The following SPATA13 variants were observed in gnomAD, a reference collection of about 807,000 sequenced individuals.
SPATA13 encodes spermatogenesis-associated protein 13.
SPATA13 carries 50 observed loss-of-function variants against 104.0 expected under a neutral mutation model. The observed-to-expected ratio is 0.48, with a 90% CI of 0.38 to 0.61. SPATA13 has a LOEUF of 0.61. SPATA13 is among the 20% of genes least tolerant of loss of function. The pLI, the probability that SPATA13 is intolerant of heterozygous loss-of-function variation, is 0.00. For synonymous variants in SPATA13, 606 were observed against 667.5 expected (o/e 0.91, Z 1.42); for missense variants, 1,524 against 1,690.6 (o/e 0.90, Z 1.73).
At chr13:24,037,364 TA>T (rs916144606) in intron 3 of SPATA13, among the ~76,000 whole-genome samples, 16 of 148,094 alleles carry the variant, frequency 1.1e-4, no homozygotes, top group South Asian at 4.4e-4. Context: ...TTAAAAAAAT[TA>T]AAAAAAAAAG....
chr13:24,295,826 CTATTATTA>C (rs1876740808), intron 10 of SPATA13, among the ~76,000 whole-genome samples: 1 of 152,126 alleles, frequency 6.6e-6, no homozygotes, highest in South Asian at 2.1e-4. Context: ...GAAGTAAGCA[CTATTATTA>C]TACCCATTTA....
intron 3 of SPATA13, among the ~76,000 whole-genome samples, chr13:24,100,650 C>T (rs1271611798): frequency 1.3e-5 from 2 of 152,162 alleles, no homozygotes; most frequent in Admixed American, 1.3e-4. Flanking sequence ...CCAAAGGTCA[C>T]AAAACTAATT....
chr13:24,128,081 C>G (rs1881276846), intron 3 of SPATA13, among the ~76,000 whole-genome samples: 1 of 152,200 alleles, frequency 6.6e-6, no homozygotes, highest in South Asian at 2.1e-4. Context: ...GTAGGGAAGG[C>G]TCTGGATGGA....
chr13:23,981,337 A>G (rs774858539), intron 1 of SPATA13, among the ~76,000 whole-genome samples: 5 of 152,188 alleles, frequency 3.3e-5, no homozygotes, highest in Non-Finnish European at 7.4e-5. Flanking sequence ...CTACAATAGT[A>G]CTTCTATTTT....
intron 3 of SPATA13, among the ~76,000 whole-genome samples, chr13:24,092,611 G>C (rs1879944416): frequency 6.6e-6 from 1 of 152,200 alleles, no homozygotes; most frequent in African/African-American, 2.4e-5. Context: ...GGGTCTCTTA[G>C]AGATGGACTA....
intron 3 of SPATA13, among the ~76,000 whole-genome samples, chr13:24,049,643 A>G (rs535264737): frequency 6.6e-6 from 1 of 152,264 alleles, no homozygotes; most frequent in South Asian, 2.1e-4. Flanking sequence ...GGAGTCTGTA[A>G]TATACATGCA....
At chr13:24,053,823 C>T (rs1392683727) in intron 3 of SPATA13, among the ~76,000 whole-genome samples, 1 of 152,154 alleles carries the variant, frequency 6.6e-6, no homozygotes, top group Non-Finnish European at 1.5e-5. Flanking sequence ...TGTTTGAAAC[C>T]AACAGAACCA....
At chr13:24,071,394 G>A (rs1248795705) in intron 3 of SPATA13, among the ~76,000 whole-genome samples, 2 of 152,194 alleles carry the variant, frequency 1.3e-5, no homozygotes, top group Non-Finnish European at 2.9e-5. Context: ...ACCATTATTG[G>A]TGCAAGGCAT....
At chr13:24,113,422 G>A (rs12184884) in intron 3 of SPATA13, among the ~76,000 whole-genome samples, 31 of 152,108 alleles carry the variant, frequency 2.0e-4, no homozygotes, top group African/African-American at 7.5e-4. Context: ...GGCCAACATG[G>A]AGAAACCCCA....
At chr13:24,093,610 C>T (rs1327767853) in intron 3 of SPATA13, among the ~76,000 whole-genome samples, 1 of 152,092 alleles carries the variant, frequency 6.6e-6, no homozygotes, top group Non-Finnish European at 1.5e-5. Flanking sequence ...GCTAAATGGA[C>T]CAATTGTGGG....
chr13:24,165,704 A>G lies in SPATA13; in HGVS notation c.-112+4772A>G, dbSNP rs113259408. ...TTCCAATGGGGGCAGGAGGCTGGCA[A>G]TGAGATGTGTTGTGGTATTGCTGAT... On this transcript the variant is annotated intron_variant, in intron 1 of 12. Transcript: ENST00000382108. Among the ~76,000 whole-genome samples, 287 of 152,290 alleles carry G rather than the reference A, an allele frequency of 1.9e-3. 2 individuals are homozygous for G. Among genetic ancestry groups the G allele is most frequent in the African/African-American group, 6.6e-3 (275 of 41,556 alleles).
intron 3 of SPATA13, among the ~76,000 whole-genome samples, chr13:24,072,726 T>G (rs993705678): frequency 5.9e-5 from 9 of 152,194 alleles, no homozygotes; most frequent in African/African-American, 2.2e-4. Flanking sequence ...ATCACTTCTG[T>G]GCACCTACGA....
At chr13:24,103,839 A>G (rs1880348313) in intron 3 of SPATA13, among the ~76,000 whole-genome samples, 1 of 152,102 alleles carries the variant, frequency 6.6e-6, no homozygotes, top group African/African-American at 2.4e-5. Flanking sequence ...CATCCCTTTC[A>G]GAGTTACAGG....
intron 3 of SPATA13, among the ~76,000 whole-genome samples, chr13:24,137,356 G>A (rs1480040802): frequency 1.3e-5 from 2 of 152,166 alleles, no homozygotes; most frequent in Non-Finnish European, 2.9e-5. Context: ...GTCCAGAAAG[G>A]GGCAGTCTCT....
chr13:24,218,725 T>G (rs925780581), intron 1 of SPATA13, among the ~76,000 whole-genome samples: 1 of 143,302 alleles, frequency 7.0e-6, no homozygotes, highest in Non-Finnish European at 1.6e-5. Context: ...TTTTTGCGAT[T>G]TTTTTTTTAA....
chr13:24,304,843 G>C lies in SPATA13; in HGVS notation c.*2070G>C, dbSNP rs189094005. On this transcript the variant is annotated 3_prime_UTR_variant, in exon 13 of 13. Transcript: ENST00000382108. The stretch of plus-strand genomic sequence containing the variant: ...TCTGGAGAGGTCCTGTGGCATGTGT[G>C]GGGGTGTGTGTGTGTATGTTTCCTT... The C allele has an allele frequency of 1.6e-4, 24 of 152,330 alleles. No individual in the cohort carries two copies. The highest frequency in any genetic ancestry group is 1.5e-3 in the Admixed American group (23 of 15,296). The allele number at this position is 152,330 out of a possible 1,614,324, so 9.4% of individuals were successfully genotyped here.
In SPATA13 at chr13:24,182,912, G is replaced by A. The variant is rs7996017; in HGVS notation, c.-112+21980G>A. On this transcript the variant is annotated intron_variant, in intron 1 of 12. Coordinates refer to ENST00000382108, the MANE Select transcript of SPATA13 (RefSeq NM_001166271.3). Reference sequence around the variant, plus strand: ...ACCAAACCCAAAGAAGGCAAAGGCAGCTCACCGAGGGCTCACAGCAGGGCC... The same window carrying A: ...ACCAAACCCAAAGAAGGCAAAGGCAACTCACCGAGGGCTCACAGCAGGGCC... Among the ~76,000 whole-genome samples the A allele has an allele frequency of 2.2e-3, 329 of 152,288 alleles. 1 individual carries two copies. The highest frequency in any genetic ancestry group is 7.8e-3 in the African/African-American group (323 of 41,572).
At chr13:24,247,345 T>C (rs1245876782) in intron 2 of SPATA13, among the ~76,000 whole-genome samples, 1 of 152,162 alleles carries the variant, frequency 6.6e-6, no homozygotes, top group Non-Finnish European at 1.5e-5. Context: ...TGTGTCTTTG[T>C]TGCCACTGAT....
At position 24,302,638 on chromosome 13, in the gene SPATA13, G is replaced by A; in HGVS notation, c.3699G>A (p.Leu1233=). 1 of 1,613,544 alleles carries A rather than the reference G, an allele frequency of 6.2e-7. No homozygotes were observed. Among genetic ancestry groups the A allele is most frequent in the South Asian group, 1.1e-5 (1 of 91,014 alleles). Residue 1233 remains leucine (L), a synonymous_variant, in exon 13 of 13, where the codon CTG becomes CTA. Transcript: ENST00000382108. ...RCPVAPPHQG[L]HPIHQRHITM... ...CTGTGGCCCCACCGCACCAGGGCCT[G>A]CACCCCATCCACCAGCGCCACATCA... is the stretch of plus-strand genomic sequence containing the variant.
Sources: gnomAD v4.1 joint callset for allele counts (sites outside exome capture counted in the v4.1 genomes callset) on GRCh38, gnomAD v4.1.1 for gene constraint, MANE v1.5 for transcripts, NCBI Gene and HGNC (gene_info 2026-07-23, HGNC 2026-07-21) for gene names.